Variants in HS3ST4 observed in about 807,000 individuals in gnomAD.
The protein encoded by HS3ST4 is heparan sulfate-glucosamine 3-sulfotransferase 4, also known as heparan sulfate glucosamine 3-O-sulfotransferase 4.
A neutral mutation model predicts 29.2 loss-of-function variants in HS3ST4; 17 were observed. The observed-to-expected ratio is 0.58, with a 90% CI of 0.40 to 0.87. The LOEUF is 0.87. Ranked by LOEUF, HS3ST4 falls within the 40% of genes least tolerant of loss-of-function variation. The pLI is 0.00. For synonymous variants in HS3ST4, 314 were observed against 285.7 expected, an observed-to-expected ratio of 1.10 and a Z score of -1.00; for missense variants, 627 against 634.5, an observed-to-expected ratio of 0.99 and a Z score of 0.13.
At chr16:26,006,691 C>T (rs1010351722) in intron 1 of HS3ST4, among the ~76,000 whole-genome samples, 3 of 152,140 alleles carry the variant, frequency 2.0e-5, no homozygotes, top group African/African-American at 7.2e-5. Flanking sequence ...GAAAAGACAT[C>T]TCAAAAAGCC....
chr16:25,840,145 A>G (rs547928444), intron 1 of HS3ST4, among the ~76,000 whole-genome samples: 19 of 152,326 alleles, frequency 1.2e-4, no homozygotes, highest in African/African-American at 4.6e-4. Flanking sequence ...TTTCATACTG[A>G]TACTCACTGG....
At chr16:25,960,744 T>C (rs1470316304) in intron 1 of HS3ST4, among the ~76,000 whole-genome samples, 1 of 152,114 alleles carries the variant, frequency 6.6e-6, no homozygotes, top group Non-Finnish European at 1.5e-5. Flanking sequence ...AAATGTAGAG[T>C]TTCTGGGGAG....
intron 1 of HS3ST4, among the ~76,000 whole-genome samples, chr16:25,851,155 C>A (rs947669071): frequency 6.6e-6 from 1 of 152,176 alleles, no homozygotes. Flanking sequence ...ATGTTTCTGT[C>A]CCATCCTGTA....
At chr16:25,788,544 C>CTTTTTTTTT (rs565611368) in intron 1 of HS3ST4, among the ~76,000 whole-genome samples, 3 of 123,570 alleles carry the variant, frequency 2.4e-5, no homozygotes, top group African/African-American at 3.1e-5. Flanking sequence ...TTTCTTCTTT[C>CTTTTTTTTT]TTTTTTTTTT....
chr16:25,938,177 C>A (rs915358309), intron 1 of HS3ST4, among the ~76,000 whole-genome samples: 1 of 152,158 alleles, frequency 6.6e-6, no homozygotes, highest in Non-Finnish European at 1.5e-5. Context: ...CCAATCAGGA[C>A]AGCTGGGCCC....
intron 1 of HS3ST4, among the ~76,000 whole-genome samples, chr16:26,085,590 G>T (rs1323488884): frequency 6.6e-6 from 1 of 152,138 alleles, no homozygotes; most frequent in Admixed American, 6.5e-5. Context: ...GTCAGGCCAG[G>T]CCAGGCACAG....
At chr16:25,923,676 T>C (rs1227760325) in intron 1 of HS3ST4, among the ~76,000 whole-genome samples, 6 of 152,138 alleles carry the variant, frequency 3.9e-5, no homozygotes, top group Non-Finnish European at 7.3e-5. Context: ...GGAAATAAAA[T>C]TTGGTGGCAG....
intron 1 of HS3ST4, among the ~76,000 whole-genome samples, chr16:25,781,071 A>T (rs1469838104): frequency 6.6e-6 from 1 of 152,212 alleles, no homozygotes; most frequent in East Asian, 1.9e-4. Context: ...TTGGGCTTGC[A>T]TGCAACATAC....
chr16:25,993,859 A>G (rs1230366515), intron 1 of HS3ST4, among the ~76,000 whole-genome samples: 1 of 151,978 alleles, frequency 6.6e-6, no homozygotes, highest in Non-Finnish European at 1.5e-5. Flanking sequence ...GGGAAGTCCA[A>G]GATCAAGGTG....
intron 1 of HS3ST4, among the ~76,000 whole-genome samples, chr16:25,700,696 T>G (rs1215180188): frequency 6.6e-6 from 1 of 152,164 alleles, no homozygotes; most frequent in Middle Eastern, 3.2e-3. Context: ...TCAAGTAATC[T>G]CCTGATTTCA....
At chr16:25,698,255 T>A (rs994527082) in intron 1 of HS3ST4, among the ~76,000 whole-genome samples, 2 of 152,004 alleles carry the variant, frequency 1.3e-5, no homozygotes, top group Non-Finnish European at 2.9e-5. Context: ...TTAAGTAGAA[T>A]GATTAGGGAA....
intron 1 of HS3ST4, among the ~76,000 whole-genome samples, chr16:25,751,065 A>T (rs1265532985): frequency 6.6e-6 from 1 of 152,188 alleles, no homozygotes; most frequent in Non-Finnish European, 1.5e-5. Flanking sequence ...TGATGTGCTC[A>T]TAGATACGTA....
intron 1 of HS3ST4, among the ~76,000 whole-genome samples, chr16:25,827,062 A>T (rs1383037205): frequency 2.0e-5 from 3 of 152,192 alleles, no homozygotes; most frequent in Non-Finnish European, 4.4e-5. Context: ...AATGGAAGTT[A>T]ATAAGAAATA....
intron 1 of HS3ST4, among the ~76,000 whole-genome samples, chr16:26,098,736 A>T (rs573002205): frequency 2.0e-5 from 3 of 152,196 alleles, no homozygotes; most frequent in African/African-American, 4.8e-5. Context: ...AGTATAATAA[A>T]AAAAAAAGAC....
chr16:25,914,707 G>A (rs1402698900), intron 1 of HS3ST4, among the ~76,000 whole-genome samples: 2 of 151,714 alleles, frequency 1.3e-5, no homozygotes, highest in African/African-American at 4.9e-5. Flanking sequence ...CAGAAGTCCT[G>A]TGCTACTGGT....
chr16:25,898,907 G>A (rs974093323), intron 1 of HS3ST4, among the ~76,000 whole-genome samples: 2 of 152,196 alleles, frequency 1.3e-5, no homozygotes, highest in South Asian at 2.1e-4. Flanking sequence ...GCTCTTTAGT[G>A]CTGTTTTCAT....
At chr16:26,046,810 A>C (rs1256141419) in intron 1 of HS3ST4, among the ~76,000 whole-genome samples, 1 of 152,238 alleles carries the variant, frequency 6.6e-6, no homozygotes, top group Middle Eastern at 3.4e-3. Context: ...ACATTCATTT[A>C]ATCTGCACAG....
chr16:25,743,651 G>A (rs1295020432), intron 1 of HS3ST4, among the ~76,000 whole-genome samples: 2 of 152,034 alleles, frequency 1.3e-5, no homozygotes, highest in Admixed American at 6.6e-5. Flanking sequence ...GATTACAGGC[G>A]TGCTTCACCA....
At chr16:25,724,962 G>A (rs1966522057) in intron 1 of HS3ST4, among the ~76,000 whole-genome samples, 1 of 150,572 alleles carries the variant, frequency 6.6e-6, no homozygotes, top group African/African-American at 2.4e-5. Context: ...TTGTCCCCTG[G>A]GGAGATTAGG....
Sources: gnomAD v4.1 joint callset for allele counts (sites outside exome capture counted in the v4.1 genomes callset) on GRCh38, gnomAD v4.1.1 for gene constraint, MANE v1.5 for transcripts, NCBI Gene and HGNC (gene_info 2026-07-23, HGNC 2026-07-21) for gene names.